EFR3A: variants seen among roughly 807,000 people sequenced by gnomAD.
EFR3A encodes the protein protein EFR3 homolog A.
Under a neutral mutation model 104.4 loss-of-function variants are expected in EFR3A, and 76 were observed. The observed-to-expected ratio is 0.73, with a 90% CI of 0.60 to 0.88. EFR3A has a LOEUF of 0.88. Ranked by LOEUF, EFR3A falls within the 40% of genes least tolerant of loss-of-function variation. EFR3A has a pLI of 0.00. For synonymous variants in EFR3A, 330 were observed against 330.0 expected (o/e 1.00, Z 0.00); for missense variants, 985 against 1,012.5 (o/e 0.97, Z 0.37).
intron 14 of EFR3A, among the ~76,000 whole-genome samples, chr8:131,981,593 CTCAGA>C (rs1185251305): frequency 6.6e-6 from 1 of 152,006 alleles, no homozygotes; most frequent in Non-Finnish European, 1.5e-5. Flanking sequence ...TAACTAGCAA[CTCAGA>C]TAAGTTTCTG....
intron 12 of EFR3A, 110 bp downstream of exon 12, chr8:131,977,202 GGTTA>G: frequency 1.4e-6 from 1 of 712,170 alleles, no homozygotes; most frequent in Non-Finnish European, 2.2e-6. Flanking sequence ...TACTGTTTAT[GGTTA>G]GTATTTTATT....
At chr8:131,992,925 C>T (rs1821269654) in intron 18 of EFR3A, among the ~76,000 whole-genome samples, 1 of 152,146 alleles carries the variant, frequency 6.6e-6, no homozygotes, top group Non-Finnish European at 1.5e-5. Flanking sequence ...GCTTAGTTAA[C>T]ATGGTGGTGA....
rs746436933 is a variant in EFR3A at position 131,987,661 on chromosome 8, G to C, written c.2024G>C (p.Ser675Thr). 1.6e-5 allele frequency: 25 copies of C among 1,596,994 alleles called. No homozygotes were observed. The highest frequency in any genetic ancestry group is 2.0e-5 in the Non-Finnish European group (24 of 1,170,834). The stretch of plus-strand genomic sequence containing the variant: ...GAGTCGCTAGGTGGAAGTGGATATA[G>C]TGTTGAGAGATTGTCAGTTCCGTAT... ...IAESLGGSGYSVERLSVPYVP... is the reference protein window; with the variant it reads ...IAESLGGSGYTVERLSVPYVP... The change falls in exon 18 of 23, where the codon AGT becomes ACT. Residue 675 changes from serine to threonine, a missense_variant. Transcript: ENST00000254624.
Position 131,978,803 on chromosome 8 carries a change from A to C in EFR3A, c.1327-44A>C, listed in dbSNP as rs1420470817. On this transcript the variant is annotated intron_variant, in intron 12 of 22. Coordinates refer to ENST00000254624, the MANE Select transcript of EFR3A (RefSeq NM_015137.6). Reference sequence around the variant, plus strand: ...AAGAATATGAGAATTTTACAAAAAAAGGACTCATGACAAAAGGTTGTTTGT... The same window carrying C: ...AAGAATATGAGAATTTTACAAAAAACGGACTCATGACAAAAGGTTGTTTGT... 2.9e-6 allele frequency: 4 copies of C among 1,372,138 alleles called. No homozygotes were observed. The African/African-American group carries it at 5.9e-5, about 20-fold the overall frequency. The allele number at this position is 1,372,138 out of a possible 1,614,324, so 85.0% of individuals were successfully genotyped here. A position where few individuals can be genotyped will look rare whatever the true frequency, so the allele number is the denominator to read the frequency against.
chr8:131,966,865 C>T (rs1015297869), intron 8 of EFR3A, among the ~76,000 whole-genome samples: 22 of 152,090 alleles, frequency 1.4e-4, no homozygotes, highest in African/African-American at 5.1e-4. Context: ...TACTGTATTA[C>T]GTCTTCTCAC....
At chr8:131,949,257 G>C (rs1266379848) in intron 4 of EFR3A, among the ~76,000 whole-genome samples, 1 of 152,036 alleles carries the variant, frequency 6.6e-6, no homozygotes, top group Non-Finnish European at 1.5e-5. Context: ...ATTATGTCAT[G>C]ATTCTCAACC....
rs528953018 is a variant in EFR3A, at chr8:131,970,537, C to T, written c.1053C>T (p.Phe351=). ...AACATCTGCGTCTCAGCGTTGAATTCGAAGCAAATGATTTACAGGGGGGAT... is the reference window on the plus strand; with the variant it reads ...AACATCTGCGTCTCAGCGTTGAATTTGAAGCAAATGATTTACAGGGGGGAT... ...LLKHLRLSVE[F]EANDLQGGSV... The change falls in exon 10 of 23, where the codon TTC becomes TTT. Residue 351 remains phenylalanine (F), a synonymous_variant. Coordinates refer to ENST00000254624, the MANE Select transcript of EFR3A (RefSeq NM_015137.6). 44 of 1,613,840 alleles carry T rather than the reference C, an allele frequency of 2.7e-5. No homozygotes were observed. The highest frequency in any genetic ancestry group is 8.9e-5 in the East Asian group (4 of 44,854).
chr8:131,935,241 A>G (rs1817815660), intron 1 of EFR3A, among the ~76,000 whole-genome samples: 1 of 152,182 alleles, frequency 6.6e-6, no homozygotes, highest in Non-Finnish European at 1.5e-5. Context: ...TTTATAGCGT[A>G]TAGGAGCAGA....
chr8:131,987,570 C>T lies in EFR3A; in HGVS notation c.1938-5C>T, dbSNP rs200000642. ...GAATGATTGTTGTTTTGATGAACTT[C>T]GCAGGCTTCCAAAATCTTTAGAGAA... On this transcript the variant is annotated splice_region_variant and splice_polypyrimidine_tract_variant and intron_variant, in intron 17 of 22. Coordinates refer to ENST00000254624, the MANE Select transcript of EFR3A (RefSeq NM_015137.6). The T allele has an allele frequency of 4.2e-5, 66 of 1,587,554 alleles. No homozygotes were observed. The African/African-American group carries it at 7.1e-4, about 17-fold the overall frequency.
At chr8:131,936,629 A>G (rs1222879917) in intron 1 of EFR3A, among the ~76,000 whole-genome samples, 1 of 152,110 alleles carries the variant, frequency 6.6e-6, no homozygotes, top group Non-Finnish European at 1.5e-5. Context: ...CAGGATTCCC[A>G]CACTCCCTCC....
chr8:131,906,727 C>G (rs1208412943), intron 1 of EFR3A, among the ~76,000 whole-genome samples: 1 of 152,138 alleles, frequency 6.6e-6, no homozygotes, highest in Non-Finnish European at 1.5e-5. Flanking sequence ...AGGAAACTGC[C>G]AGGACACAGA....
intron 1 of EFR3A, among the ~76,000 whole-genome samples, chr8:131,937,073 A>G (rs1192346784): frequency 6.6e-6 from 1 of 152,108 alleles, no homozygotes; most frequent in Non-Finnish European, 1.5e-5. Flanking sequence ...TTGAGCCCCC[A>G]GCCATCAGTC....
chr8:131,995,045 C>G (rs1821404451), intron 18 of EFR3A, among the ~76,000 whole-genome samples: 1 of 152,016 alleles, frequency 6.6e-6, no homozygotes, highest in Non-Finnish European at 1.5e-5. Flanking sequence ...TATGTTTTTT[C>G]AGAATCAGAG....
In EFR3A at chr8:131,971,516, G is replaced by A. The variant is rs139450945; in HGVS notation, c.1159+873G>A. Among the ~76,000 whole-genome samples the A allele has an allele frequency of 1.1e-3, 173 of 152,014 alleles. 1 individual carries two copies. The highest frequency in any genetic ancestry group is 3.7e-3 in the African/African-American group (154 of 41,466). On this transcript the variant is annotated intron_variant, in intron 10 of 22. Transcript: ENST00000254624. ...ATCCTAGCTAACACGGTGAAACCCC[G>A]TCTCTACTAAGAATACAAAAAATTA...
intron 8 of EFR3A, among the ~76,000 whole-genome samples, chr8:131,962,467 T>C (rs201333639): frequency 1.3e-5 from 2 of 152,152 alleles, no homozygotes; most frequent in East Asian, 3.9e-4. Context: ...CAAAGAAGGC[T>C]ATTACATAAT....
intron 11 of EFR3A, 36 bp from the exon 12 acceptor site, chr8:131,977,005 A>G: frequency 7.1e-7 from 1 of 1,416,244 alleles, no homozygotes; most frequent in Non-Finnish European, 9.8e-7. Flanking sequence ...TATAAATGCT[A>G]ATTAGTATAA....
At chr8:131,915,875 T>C (rs1586525471) in intron 1 of EFR3A, among the ~76,000 whole-genome samples, 1 of 152,206 alleles carries the variant, frequency 6.6e-6, no homozygotes. Context: ...TTTATTCACA[T>C]ATTTATTGAA....
intron 18 of EFR3A, among the ~76,000 whole-genome samples, chr8:131,987,989 A>G (rs899390995): frequency 6.6e-6 from 1 of 152,082 alleles, no homozygotes; most frequent in Non-Finnish European, 1.5e-5. Flanking sequence ...TTAAAGTGAG[A>G]TCTTTTCTCA....
At chr8:131,934,795 A>G (rs1383728111) in intron 1 of EFR3A, among the ~76,000 whole-genome samples, 1 of 152,128 alleles carries the variant, frequency 6.6e-6, no homozygotes, top group African/African-American at 2.4e-5. Flanking sequence ...TGTGTATTAC[A>G]TATATGTGTA....
Sources: allele counts gnomAD v4.1 joint callset (sites outside exome capture counted in the v4.1 genomes callset), GRCh38; gene constraint gnomAD v4.1.1; transcripts MANE v1.5; gene names NCBI Gene and HGNC (gene_info 2026-07-23, HGNC 2026-07-21).